BLTP1: variants seen among roughly 807,000 people sequenced by gnomAD.
The protein encoded by BLTP1 is bridge-like lipid transfer protein family member 1.
the BLTP1 span, chr4:122,224,642 G>T: frequency 1.9e-6 from 3 of 1,614,070 alleles, no homozygotes; most frequent in Non-Finnish European, 2.5e-6. Context: ...TGATGTGCAG[G>T]CTGGAAGTCT....
the BLTP1 span, chr4:122,292,007 T>A: frequency 1.1e-5 from 2 of 185,206 alleles, no homozygotes; most frequent in Non-Finnish European, 2.0e-5. Context: ...AGTCGCACTT[T>A]GTCGCCAGGC....
At chr4:122,196,185 A>G in the BLTP1 span, among the ~76,000 whole-genome samples, 2 of 152,186 alleles carry the variant, frequency 1.3e-5, no homozygotes, top group Non-Finnish European at 2.9e-5. Context: ...TGCACTGCTA[A>G]GTGTTTTCCA....
chr4:122,330,563 C>T, the BLTP1 span, among the ~76,000 whole-genome samples: 4 of 151,698 alleles, frequency 2.6e-5, no homozygotes, highest in Admixed American at 2.6e-4. Context: ...TTATTAAAAT[C>T]GGATTTTTCT....
chr4:122,335,753 A>C, the BLTP1 span, among the ~76,000 whole-genome samples: 2 of 152,144 alleles, frequency 1.3e-5, no homozygotes, highest in Non-Finnish European at 2.9e-5. Flanking sequence ...AAGCAGATAT[A>C]TTTAGTTAGG....
the BLTP1 span, chr4:122,339,307 T>C: frequency 1.2e-6 from 2 of 1,613,636 alleles, no homozygotes; most frequent in Non-Finnish European, 1.7e-6. Flanking sequence ...CGAGGAGAAC[T>C]GGAGACTTTA....
chr4:122,276,607 G>A, the BLTP1 span: 2 of 984,464 alleles, frequency 2.0e-6, no homozygotes, highest in Non-Finnish European at 2.4e-6. Context: ...TGTTGAAACT[G>A]AACTTGAAAT....
At chr4:122,321,650 C>T in the BLTP1 span, among the ~76,000 whole-genome samples, 2 of 151,730 alleles carry the variant, frequency 1.3e-5, no homozygotes, top group African/African-American at 4.8e-5. Context: ...AAAGGTTTTA[C>T]CTTCATTTCT....
chr4:122,170,894 C>T, the BLTP1 span: 1 of 559,756 alleles, frequency 1.8e-6, no homozygotes, highest in Non-Finnish European at 3.0e-6. Flanking sequence ...ATTTCTTGAA[C>T]ATTTGTTCTG....
the BLTP1 span, chr4:122,201,019 A>G: frequency 1.2e-6 from 2 of 1,612,234 alleles, no homozygotes; most frequent in Non-Finnish European, 1.7e-6. Flanking sequence ...TTCCACATCA[A>G]TGCCAGCTAC....
chr4:122,248,792 G>C, the BLTP1 span, among the ~76,000 whole-genome samples: 1 of 151,986 alleles, frequency 6.6e-6, no homozygotes, highest in Non-Finnish European at 1.5e-5. Context: ...ATGAAAATGG[G>C]AGCCAAAGCT....
At chr4:122,297,587 A>G in the BLTP1 span, among the ~76,000 whole-genome samples, 14 of 152,332 alleles carry the variant, frequency 9.2e-5, no homozygotes, top group African/African-American at 2.4e-4. Context: ...AAATCATTCT[A>G]TTGTAAAGAT....
At chr4:122,291,607 G>C in the BLTP1 span, 13 of 369,066 alleles carry the variant, frequency 3.5e-5, no homozygotes, top group Non-Finnish European at 4.5e-5. Context: ...GTCCACGAAG[G>C]ACTTTCAAGA....
chr4:122,280,989 A>C, the BLTP1 span, among the ~76,000 whole-genome samples: 4 of 152,300 alleles, frequency 2.6e-5, no homozygotes, highest in Non-Finnish European at 5.9e-5. Context: ...CAGACCCTGG[A>C]GTCAGACTGA....
the BLTP1 span, chr4:122,261,594 A>G: frequency 1.0e-6 from 1 of 984,278 alleles, no homozygotes; most frequent in Middle Eastern, 5.2e-4. Flanking sequence ...CTCTCCAGAG[A>G]ATTAAATCTT....
chr4:122,206,582 A>G, the BLTP1 span, among the ~76,000 whole-genome samples: 7 of 152,064 alleles, frequency 4.6e-5, no homozygotes, highest in African/African-American at 1.7e-4. Flanking sequence ...ACATGATAAT[A>G]TATATAACAC....
the BLTP1 span, chr4:122,270,876 A>G: frequency 8.7e-7 from 1 of 1,143,282 alleles, no homozygotes; most frequent in Non-Finnish European, 1.2e-6. Context: ...GTGAAAAAGC[A>G]TATTTTACTG....
the BLTP1 span, among the ~76,000 whole-genome samples, chr4:122,320,555 T>G: frequency 6.6e-6 from 1 of 152,182 alleles, no homozygotes; most frequent in Admixed American, 6.5e-5. Flanking sequence ...TACCTGATAA[T>G]TTTCTTTGCT....
the BLTP1 span, chr4:122,251,738 A>C: frequency 3.0e-6 from 1 of 329,574 alleles, no homozygotes; most frequent in African/African-American, 2.2e-5. Flanking sequence ...CTCTGACTTT[A>C]TTGGTCCATT....
At chr4:122,246,737 A>G in the BLTP1 span, 8 of 1,613,064 alleles carry the variant, frequency 5.0e-6, no homozygotes, top group Non-Finnish European at 6.8e-6. Flanking sequence ...TACGGCTCCT[A>G]GTAGGAGTGT....
Sources: allele counts gnomAD v4.1 joint callset (sites outside exome capture counted in the v4.1 genomes callset), GRCh38; gene constraint gnomAD v4.1.1; transcripts MANE v1.5; gene names NCBI Gene and HGNC (gene_info 2026-07-23, HGNC 2026-07-21).